The following CLUAP1 variants were observed in gnomAD, a reference collection of about 807,000 sequenced individuals.
The protein encoded by CLUAP1 is clusterin-associated protein 1.
Under a neutral mutation model 55.0 loss-of-function variants are expected in CLUAP1, and 50 were observed. The observed-to-expected ratio is 0.91, with a 90% CI of 0.72 to 1.15. The LOEUF (loss-of-function observed/expected upper bound fraction) is 1.15. Among genes scored for constraint, CLUAP1 ranks in the 50% most tolerant of loss-of-function variants. The probability of loss-of-function intolerance (pLI) is 0.00; values close to 1 mark genes in which losing one functional copy is unlikely to be tolerated. For missense variants in CLUAP1, 530 were observed against 507.6 expected, an observed-to-expected ratio of 1.04 and a Z score of -0.42; for synonymous variants, 195 against 175.4, an observed-to-expected ratio of 1.11 and a Z score of -0.88.
intron 7 of CLUAP1, among the ~76,000 whole-genome samples, chr16:3,522,748 T>C (rs1199586589): frequency 6.6e-6 from 1 of 152,182 alleles, no homozygotes; most frequent in Non-Finnish European, 1.5e-5. Context: ...GATTACGGTA[T>C]ATTGAAATGA....
rs771106081 is a variant in CLUAP1, at chr16:3,501,061, G to A, written c.-7G>A. Reference sequence around the variant, plus strand: ...TGCGACCCTGGGCTCCTGGGGACCTGAGCGTTATGTCTTTCCGCGACCTCC... The same window carrying A: ...TGCGACCCTGGGCTCCTGGGGACCTAAGCGTTATGTCTTTCCGCGACCTCC... On this transcript the variant is annotated 5_prime_UTR_variant, in exon 1 of 12. Coordinates refer to ENST00000576634, the MANE Select transcript of CLUAP1 (RefSeq NM_015041.3). 3.1e-6 allele frequency: 5 copies of A among 1,600,066 alleles called. No homozygotes were observed. The highest frequency in any genetic ancestry group is 3.4e-5 in the Admixed American group (2 of 59,410).
chr16:3,522,289 G>A (rs886326872), intron 7 of CLUAP1, among the ~76,000 whole-genome samples: 74 of 151,662 alleles, frequency 4.9e-4, no homozygotes, highest in Non-Finnish European at 8.1e-4. Context: ...TCAGCCACCC[G>A]AGTAGCTGGG....
At chr16:3,535,940 T>C (rs1190375146) in intron 11 of CLUAP1, 182 bp from the exon 12 acceptor site, 26 of 642,654 alleles carry the variant, frequency 4.0e-5, no homozygotes, top group Non-Finnish European at 6.5e-5. Flanking sequence ...GGATGATAAA[T>C]TCCAGCTGGC....
chr16:3,536,157 TGATGATGAC>T lies in CLUAP1; in HGVS notation c.1131_1139del (p.Asp377_Asp379del), dbSNP rs2038227424. Reference sequence around the variant, plus strand: ...AGGAGAGTGAAATTGACATGGAAGATGATGATGACGAGGATGACGATTTGGAAGACGAGA... The same window carrying T: ...AGGAGAGTGAAATTGACATGGAAGATGAGGATGACGATTTGGAAGACGAGA... On this transcript the variant is annotated inframe_deletion, in exon 12 of 12. Coordinates refer to ENST00000576634, the MANE Select transcript of CLUAP1 (RefSeq NM_015041.3). 10 of 1,614,164 alleles carry T rather than the reference TGATGATGAC, an allele frequency of 6.2e-6. No individual in the cohort carries two copies. The East Asian group carries it at 2.2e-4, about 36-fold the overall frequency.
intron 10 of CLUAP1, among the ~76,000 whole-genome samples, chr16:3,532,490 C>T (rs1173336385): frequency 1.5e-5 from 2 of 132,240 alleles, no homozygotes; most frequent in Non-Finnish European, 3.1e-5. Context: ...TCTCAGCTCA[C>T]TGCAACCTCT....
chr16:3,507,021 C>A (rs1341547222), intron 3 of CLUAP1, among the ~76,000 whole-genome samples: 1 of 150,874 alleles, frequency 6.6e-6, no homozygotes, highest in Non-Finnish European at 1.5e-5. Flanking sequence ...AGGGTGAAAC[C>A]CCGTCTCCAG....
At chr16:3,500,963 G>T, upstream of CLUAP1, 1 of 1,203,816 alleles carries the variant, frequency 8.3e-7, no homozygotes, top group Non-Finnish European at 1.2e-6. Context: ...CTGACCGTGC[G>T]CCGTCCAAGG....
At chr16:3,503,123 C>T (rs763892873) in intron 1 of CLUAP1, among the ~76,000 whole-genome samples, 6 of 151,970 alleles carry the variant, frequency 3.9e-5, no homozygotes, top group South Asian at 4.2e-4. Flanking sequence ...TATAGGCGCC[C>T]GCCACCACAC....
At chr16:3,504,274 T>C (rs954449666) in intron 1 of CLUAP1, among the ~76,000 whole-genome samples, 2 of 152,236 alleles carry the variant, frequency 1.3e-5, no homozygotes, top group Non-Finnish European at 2.9e-5. Context: ...GAAACATGAA[T>C]GTCATCCTAC....
Position 3,530,668 on chromosome 16 carries a change from C to T in CLUAP1, c.1029C>T (p.Leu343=), listed in dbSNP as rs2151069718. 6.2e-7 allele frequency: 1 copy of T among 1,613,608 alleles called. No homozygotes were observed. The highest frequency in any genetic ancestry group is 2.2e-5 in the East Asian group (1 of 44,864). ...LPKPQTAMEM[L]MQGRPGKRIV... ...AGCCACAGACAGCCATGGAGATGCT[C>T]ATGCAAGGTACCCCGGCGTCTTTCG... Residue 343 remains leucine (L), a synonymous_variant, in exon 10 of 12, where the codon CTC becomes CTT. Coordinates refer to ENST00000576634, the MANE Select transcript of CLUAP1 (RefSeq NM_015041.3).
At chr16:3,496,718 C>CAG (rs1211013678), upstream of CLUAP1, 8 of 530,394 alleles carry the variant, frequency 1.5e-5, no homozygotes, top group Non-Finnish European at 2.3e-5. Context: ...CTCCAGGGAC[C>CAG]AGAAGTTCGA....
intron 10 of CLUAP1, among the ~76,000 whole-genome samples, chr16:3,531,741 G>A (rs1220877945): frequency 3.3e-5 from 5 of 151,982 alleles, no homozygotes; most frequent in Admixed American, 1.3e-4. Flanking sequence ...TTTAACCTGA[G>A]TGCAACCAGA....
At chr16:3,515,437 T>C in intron 5 of CLUAP1, 71 bp from the exon 6 acceptor site, 1 of 1,103,634 alleles carries the variant, frequency 9.1e-7, no homozygotes, top group Non-Finnish European at 1.3e-6. Flanking sequence ...AAGGCACATC[T>C]AGATCTAGGA....
At chr16:3,522,760 A>G (rs1251320466) in intron 7 of CLUAP1, among the ~76,000 whole-genome samples, 1 of 152,150 alleles carries the variant, frequency 6.6e-6, no homozygotes, top group Non-Finnish European at 1.5e-5. Flanking sequence ...TTGAAATGAA[A>G]TAAAGATTAT....
intron 4 of CLUAP1, 84 bp downstream of exon 4, chr16:3,508,552 C>T: frequency 7.9e-7 from 1 of 1,269,418 alleles, no homozygotes; most frequent in Non-Finnish European, 1.1e-6. Context: ...TACAGCTCCG[C>T]TGCTTTTCTT....
intron 1 of CLUAP1, among the ~76,000 whole-genome samples, chr16:3,501,651 G>A (rs1422793047): frequency 6.6e-6 from 1 of 152,074 alleles, no homozygotes; most frequent in African/African-American, 2.4e-5. Flanking sequence ...GGGTGGTGGC[G>A]GGCGCCTGTA....
intron 6 of CLUAP1, among the ~76,000 whole-genome samples, chr16:3,517,657 G>A (rs1049992728): frequency 1.3e-5 from 2 of 152,118 alleles, no homozygotes; most frequent in Non-Finnish European, 2.9e-5. Context: ...TCACTTCTCA[G>A]GGAGAAGCCT....
chr16:3,509,117 AG>A lies in CLUAP1; in HGVS notation c.399+651del, dbSNP rs764074883. On this transcript the variant is annotated intron_variant, in intron 4 of 11. Transcript: ENST00000576634. ...ACCAAAAAAAAGAAAAAAATTAGCT[AG>A]GCGTGGTGGTACACACCTGTGGTCC... 5.2e-4 allele frequency among the ~76,000 whole-genome samples: 79 copies of A among 152,050 alleles called. 1 individual carries two copies. Among genetic ancestry groups the A allele is most frequent in the Non-Finnish European group, 4.7e-4 (32 of 68,020 alleles).
intron 10 of CLUAP1, among the ~76,000 whole-genome samples, 189 bp downstream of exon 10, chr16:3,530,864 G>C (rs918299412): frequency 5.9e-5 from 9 of 152,148 alleles, no homozygotes; most frequent in Admixed American, 3.9e-4. Context: ...GGTCATGTTT[G>C]CTCCTTGTCT....
Sources: gnomAD v4.1 joint callset for allele counts (sites outside exome capture counted in the v4.1 genomes callset) on GRCh38, gnomAD v4.1.1 for gene constraint, MANE v1.5 for transcripts, NCBI Gene and HGNC (gene_info 2026-07-23, HGNC 2026-07-21) for gene names.